The following CTNNA2 variants were observed in gnomAD, a reference collection of about 807,000 sequenced individuals.
CTNNA2 encodes the protein catenin alpha-2.
Under a neutral mutation model 101.0 loss-of-function variants are expected in CTNNA2, and 42 were observed. That is an observed-to-expected ratio of 0.42 (90% CI 0.32 to 0.54). CTNNA2 has a LOEUF of 0.54. Among genes scored for constraint, CTNNA2 ranks in the 20% least tolerant of loss-of-function variants. The pLI, the probability that CTNNA2 is intolerant of heterozygous loss-of-function variation, is 0.14. For synonymous variants in CTNNA2, 450 were observed against 456.4 expected, an observed-to-expected ratio of 0.99 and a Z score of 0.18; for missense variants, 871 against 1,223.1, an observed-to-expected ratio of 0.71 and a Z score of 4.29.
chr2:80,523,969 G>A (rs1573126821), intron 9 of CTNNA2, among the ~76,000 whole-genome samples: 1 of 152,134 alleles, frequency 6.6e-6, no homozygotes, highest in African/African-American at 2.4e-5. Context: ...AGGTAGAAGG[G>A]TGAATCATAT....
At chr2:80,359,501 C>T (rs72813655) in intron 7 of CTNNA2, among the ~76,000 whole-genome samples, 2 of 152,076 alleles carry the variant, frequency 1.3e-5, no homozygotes, top group African/African-American at 4.8e-5. Flanking sequence ...TAGCACCCCC[C>T]CTTTGGTGCT....
intron 1 of CTNNA2, among the ~76,000 whole-genome samples, chr2:79,648,889 C>T (rs1346519761): frequency 1.3e-5 from 2 of 152,180 alleles, no homozygotes; most frequent in African/African-American, 4.8e-5. Context: ...TATTTTTCCA[C>T]TTCAACAAAT....
At chr2:80,425,972 C>T (rs1420983537) in intron 9 of CTNNA2, among the ~76,000 whole-genome samples, 1 of 152,122 alleles carries the variant, frequency 6.6e-6, no homozygotes. Flanking sequence ...ATATTTAAAA[C>T]ATTTAATAAA....
At chr2:79,770,920 A>G (rs140319814) in intron 3 of CTNNA2, among the ~76,000 whole-genome samples, 7 of 152,356 alleles carry the variant, frequency 4.6e-5, no homozygotes, top group Non-Finnish European at 8.8e-5. Context: ...TTTTAGATGA[A>G]GAAATTATTG....
chr2:80,439,805 G>A (rs2149439826), intron 9 of CTNNA2, among the ~76,000 whole-genome samples: 1 of 152,274 alleles, frequency 6.6e-6, no homozygotes, highest in South Asian at 2.1e-4. Flanking sequence ...CAGTGAGGAA[G>A]CTAAGGCAAG....
At chr2:80,315,193 G>C (rs1677990113) in intron 7 of CTNNA2, among the ~76,000 whole-genome samples, 1 of 152,094 alleles carries the variant, frequency 6.6e-6, no homozygotes, top group Admixed American at 6.5e-5. Context: ...CAGTATCTCA[G>C]ACTTTTGACT....
intron 7 of CTNNA2, among the ~76,000 whole-genome samples, chr2:80,093,090 G>T (rs1041556992): frequency 2.0e-5 from 3 of 151,574 alleles, no homozygotes; most frequent in Admixed American, 6.6e-5. Flanking sequence ...GTGCCATGTT[G>T]GTGTGCCGCA....
At chr2:80,187,468 G>A (rs78873173) in intron 7 of CTNNA2, among the ~76,000 whole-genome samples, 7,544 of 152,270 alleles carry the variant, frequency 0.05, 291 homozygotes, top group Non-Finnish European at 0.079. Flanking sequence ...AATCAACTAC[G>A]TATGTTGCTC....
intron 4 of CTNNA2, among the ~76,000 whole-genome samples, chr2:79,451,792 CTT>C (rs1351861536): frequency 6.6e-6 from 1 of 150,664 alleles, no homozygotes; most frequent in Non-Finnish European, 1.5e-5. Context: ...AAATACATGT[CTT>C]AAAAATATAT....
intron 7 of CTNNA2, among the ~76,000 whole-genome samples, chr2:79,993,869 T>C (rs897459116): frequency 6.6e-6 from 1 of 151,870 alleles, no homozygotes. Context: ...AGAGGTTTGG[T>C]TTTGTTGGTT....
At chr2:80,551,722 G>C (rs540299481) in intron 11 of CTNNA2, among the ~76,000 whole-genome samples, 2 of 152,166 alleles carry the variant, frequency 1.3e-5, no homozygotes, top group Non-Finnish European at 2.9e-5. Context: ...TGCTGTGGCC[G>C]ATATGATCTT....
At chr2:79,323,428 G>GCTTA (rs1676669543) in intron 3 of CTNNA2, among the ~76,000 whole-genome samples, 1 of 152,000 alleles carries the variant, frequency 6.6e-6, no homozygotes, top group African/African-American at 2.4e-5. Flanking sequence ...GGTAATAAGA[G>GCTTA]CTTATAACAG....
intron 7 of CTNNA2, among the ~76,000 whole-genome samples, chr2:80,391,475 A>C (rs1446391459): frequency 6.6e-6 from 1 of 152,212 alleles, no homozygotes; most frequent in Admixed American, 6.5e-5. Flanking sequence ...TAAACTCATA[A>C]CTTTTAATGT....
chr2:80,339,162 C>T (rs568503593), intron 7 of CTNNA2, among the ~76,000 whole-genome samples: 1 of 152,132 alleles, frequency 6.6e-6, no homozygotes, highest in Admixed American at 6.5e-5. Flanking sequence ...ACCACTTTCA[C>T]TAATAATATA....
chr2:80,625,526 CTCTT>C (rs959505437), intron 18 of CTNNA2, among the ~76,000 whole-genome samples: 11 of 152,122 alleles, frequency 7.2e-5, no homozygotes, highest in East Asian at 1.9e-4. Flanking sequence ...GCATGGTGTA[CTCTT>C]TCTGTCATTT....
At chr2:79,279,911 C>G (rs1341597166) in intron 2 of CTNNA2, among the ~76,000 whole-genome samples, 1 of 152,088 alleles carries the variant, frequency 6.6e-6, no homozygotes, top group Non-Finnish European at 1.5e-5. Flanking sequence ...GAAGTTTTAT[C>G]CTCACCTTAT....
intron 3 of CTNNA2, among the ~76,000 whole-genome samples, chr2:79,753,867 CTT>C (rs1170637332): frequency 2.2e-4 from 30 of 134,892 alleles, no homozygotes; most frequent in African/African-American, 3.4e-4. Context: ...CTTTTTCTCT[CTT>C]TTTTTTTTTT....
chr2:80,347,226 G>A (rs1276433707), intron 7 of CTNNA2, among the ~76,000 whole-genome samples: 2 of 152,214 alleles, frequency 1.3e-5, no homozygotes, highest in Non-Finnish European at 2.9e-5. Flanking sequence ...TCACTTCGGA[G>A]TTACAGGACG....
chr2:79,812,490 A>G (rs1234690516), intron 3 of CTNNA2, among the ~76,000 whole-genome samples: 1 of 152,208 alleles, frequency 6.6e-6, no homozygotes, highest in Non-Finnish European at 1.5e-5. Flanking sequence ...TGCAATGATC[A>G]CAATGATCAC....
Sources: allele counts gnomAD v4.1 joint callset (sites outside exome capture counted in the v4.1 genomes callset), GRCh38; gene constraint gnomAD v4.1.1; transcripts MANE v1.5; gene names NCBI Gene and HGNC (gene_info 2026-07-23, HGNC 2026-07-21).